The following NFASC variants were observed in gnomAD, a reference collection of about 807,000 sequenced individuals.
NFASC encodes neurofascin homolog.
Under a neutral mutation model 147.5 loss-of-function variants are expected in NFASC, and 43 were observed. That is an observed-to-expected ratio of 0.29 (90% confidence interval 0.23 to 0.38). The LOEUF (loss-of-function observed/expected upper bound fraction) is 0.38. Among genes scored for constraint, NFASC ranks in the 10% least tolerant of loss-of-function variants. NFASC has a pLI of 1.00. For missense variants in NFASC, 1,320 were observed against 1,689.0 expected (o/e 0.78, Z 3.83); for synonymous variants, 622 against 665.5 (o/e 0.93, Z 1.01).
intron 21 of NFASC, among the ~76,000 whole-genome samples, chr1:204,983,814 T>G (rs1169667037): frequency 6.6e-6 from 1 of 152,166 alleles, no homozygotes; most frequent in Admixed American, 6.5e-5. Flanking sequence ...TCTGAACATG[T>G]AGGCAGAGTC....
At chr1:204,963,615 A>G (rs2094798981) in intron 8 of NFASC, among the ~76,000 whole-genome samples, 1 of 152,244 alleles carries the variant, frequency 6.6e-6, no homozygotes, top group Admixed American at 6.5e-5. Context: ...AGATCCATCC[A>G]GGACTATGAA....
intron 1 of NFASC, among the ~76,000 whole-genome samples, chr1:204,904,237 A>T (rs2085289917): frequency 6.6e-6 from 1 of 152,074 alleles, no homozygotes; most frequent in Admixed American, 6.5e-5. Flanking sequence ...AGCTGAGATT[A>T]CAGACACATG....
intron 10 of NFASC, among the ~76,000 whole-genome samples, chr1:204,969,815 T>C (rs995833348): frequency 2.0e-5 from 3 of 152,136 alleles, no homozygotes; most frequent in Non-Finnish European, 4.4e-5. Context: ...TGGTGGCTCA[T>C]GCCTGTAATC....
chr1:204,862,621 G>A (rs1157898038), intron 1 of NFASC, among the ~76,000 whole-genome samples: 20 of 152,214 alleles, frequency 1.3e-4, no homozygotes, highest in Non-Finnish European at 1.5e-5. Context: ...ACACAAAATA[G>A]TATTACCCAG....
At chr1:204,918,793 T>C (rs1422387804) in intron 1 of NFASC, among the ~76,000 whole-genome samples, 1 of 151,632 alleles carries the variant, frequency 6.6e-6, no homozygotes, top group African/African-American at 2.4e-5. Flanking sequence ...ACCATGTTGG[T>C]CAGGCTGGTC....
chr1:204,863,883 AAAG>A (rs2076893079), intron 1 of NFASC, among the ~76,000 whole-genome samples: 1 of 151,358 alleles, frequency 6.6e-6, no homozygotes, highest in African/African-American at 2.4e-5. Context: ...AAAAGAAAGA[AAAG>A]GAAGGAAGGA....
chr1:204,899,355 C>A (rs528367344), intron 1 of NFASC, among the ~76,000 whole-genome samples: 2 of 152,326 alleles, frequency 1.3e-5, no homozygotes, highest in Admixed American at 1.3e-4. Flanking sequence ...TTTGAGGTTT[C>A]TGCTCATAGC....
intron 13 of NFASC, 26 bp from the exon 14 acceptor site, chr1:204,974,630 CT>C (rs1245953314): frequency 5.0e-6 from 8 of 1,613,710 alleles, no homozygotes; most frequent in Non-Finnish European, 6.8e-6. Flanking sequence ...TCTCAGGATG[CT>C]GTGTGTTCTG....
In NFASC at chr1:204,877,068, T is replaced by TTATATATATAATATATTTATTTATA. The variant is rs1558550194; in HGVS notation, c.-199-43554_-199-43553insATATATTTATTTATATATATATATA. On this transcript the variant is annotated intron_variant, in intron 1 of 29. Coordinates refer to ENST00000339876, the MANE Select transcript of NFASC (RefSeq NM_001005388.3). ...ATATATAATATATTTATTTATATAT[T>TTATATATATAATATATTTATTTATA]TATATATATATAATATATTTATTTA... 9.6e-5 allele frequency among the ~76,000 whole-genome samples: 9 copies of TTATATATATAATATATTTATTTATA among 93,768 alleles called. 1 individual carries two copies. The highest frequency in any genetic ancestry group is 4.7e-4 in the African/African-American group (9 of 19,188). The allele number at this position is 93,768 out of a possible 152,430, so 61.5% of individuals were successfully genotyped here.
rs963979510 is a variant in NFASC, at chr1:204,974,367, G to T, written c.1391+77G>T. On this transcript the variant is annotated intron_variant, in intron 13 of 29. Transcript: ENST00000339876. Reference sequence around the variant, plus strand: ...TCTCCTTCCCATCTGGCCCATAGTAGGTGTTCAGCAAGACCTGGGAATCTT... The same window carrying T: ...TCTCCTTCCCATCTGGCCCATAGTATGTGTTCAGCAAGACCTGGGAATCTT... 1.6e-5 allele frequency: 19 copies of T among 1,159,246 alleles called. No individual in the cohort carries two copies. The African/African-American group carries it at 2.1e-4, about 13-fold the overall frequency. The allele number at this position is 1,159,246 out of a possible 1,614,324, so 71.8% of individuals were successfully genotyped here.
intron 1 of NFASC, among the ~76,000 whole-genome samples, chr1:204,890,539 T>G (rs1197897372): frequency 6.6e-6 from 1 of 151,764 alleles, no homozygotes; most frequent in East Asian, 1.9e-4. Flanking sequence ...AAAGGATGCC[T>G]GGTGTCTTTG....
intron 1 of NFASC, among the ~76,000 whole-genome samples, chr1:204,832,533 T>C (rs1672527398): frequency 6.6e-6 from 1 of 152,144 alleles, no homozygotes; most frequent in South Asian, 2.1e-4. Context: ...TTAGAAGCTA[T>C]ACACTTGACC....
Position 204,988,662 on chromosome 1 carries a change from G to T in NFASC, c.2623G>T (p.Val875Leu), listed in dbSNP as rs1321893924. 1 of 1,614,112 alleles carries T rather than the reference G, an allele frequency of 6.2e-7. No individual in the cohort carries two copies. Among genetic ancestry groups the T allele is most frequent in the African/African-American group, 1.3e-5 (1 of 74,938 alleles). ...CGGGACCAAAGTAGGAAAGCAGATA[G>T]TGGAAAACTTCTCTCCCAATCAGAC... Reference protein sequence around the residue: ...FNGTKVGKQIVENFSPNQTKF... With the variant: ...FNGTKVGKQILENFSPNQTKF... The change falls in exon 23 of 30, where the codon GTG becomes TTG. Residue 875 changes from valine to leucine, a missense_variant. Around this residue, in one of 3 missense-constraint regions of NFASC, gnomAD observed 981 missense variants for 1,289.5 expected, o/e 0.76. Coordinates refer to ENST00000339876, the MANE Select transcript of NFASC (RefSeq NM_001005388.3).
chr1:204,964,463 A>G (rs999162611), intron 8 of NFASC, among the ~76,000 whole-genome samples: 4 of 152,260 alleles, frequency 2.6e-5, no homozygotes, highest in Non-Finnish European at 5.9e-5. Context: ...AGAGGGAGAA[A>G]TTGTAGGGCA....
rs777989530 is a variant in NFASC at position 205,001,227 on chromosome 1, A to C, written c.3077A>C (p.Asn1026Thr). The C allele has an allele frequency of 6.2e-7, 1 of 1,612,952 alleles. No homozygotes were observed. Among genetic ancestry groups the C allele is most frequent in the South Asian group, 1.1e-5 (1 of 90,762 alleles). Residue 1026 changes from asparagine to threonine, a missense_variant, in exon 26 of 30, where the codon AAC becomes ACC. Around this residue, in one of 3 missense-constraint regions of NFASC, gnomAD observed 172 missense variants for 165.8 expected, o/e 1.04. Coordinates refer to ENST00000339876, the MANE Select transcript of NFASC (RefSeq NM_001005388.3). Reference protein sequence around the residue: ...VTVLPNSKWANITWKHNFGPG... With the variant: ...VTVLPNSKWATITWKHNFGPG... Reference sequence around the variant, plus strand: ...GTGCTCCCCAACAGTAAATGGGCCAACATCACCTGGAAGCACAATTTCGGG... The same window carrying C: ...GTGCTCCCCAACAGTAAATGGGCCACCATCACCTGGAAGCACAATTTCGGG...
intron 7 of NFASC, 52 bp downstream of exon 7, chr1:204,955,003 G>T (rs776348715): frequency 1.2e-6 from 2 of 1,602,740 alleles, no homozygotes; most frequent in Middle Eastern, 1.7e-4. Flanking sequence ...TAGGGGGTGG[G>T]GTGGGTGTGT....
At chr1:205,011,967 T>C (rs1034318681) in intron 28 of NFASC, among the ~76,000 whole-genome samples, 3 of 151,918 alleles carry the variant, frequency 2.0e-5, no homozygotes, top group Non-Finnish European at 4.4e-5. Flanking sequence ...TAATCCCAGC[T>C]ATTTGGGAGG....
chr1:204,946,199 T>G, intron 3 of NFASC: 1 of 415,766 alleles, frequency 2.4e-6, no homozygotes, highest in Non-Finnish European at 5.1e-6. Context: ...TAGCTTAGAG[T>G]CACACAGCAA....
At chr1:204,870,492 C>T in intron 1 of NFASC, 1 of 183,212 alleles carries the variant, frequency 5.5e-6, no homozygotes, top group Non-Finnish European at 1.1e-5. Flanking sequence ...ACACTGTGCT[C>T]CCCTACAAAA....
Sources: gnomAD v4.1 joint callset for allele counts (sites outside exome capture counted in the v4.1 genomes callset) on GRCh38, gnomAD v4.1.1 for gene constraint, gnomAD v4.1.1 regional missense constraint, MANE v1.5 for transcripts, NCBI Gene and HGNC (gene_info 2026-07-23, HGNC 2026-07-21) for gene names.